Variants in RRM2 observed in about 807,000 individuals in gnomAD.
The protein encoded by RRM2 is ribonucleotide reductase regulatory subunit M2, also known as ribonucleoside-diphosphate reductase subunit M2.
A neutral mutation model predicts 45.9 loss-of-function variants in RRM2; 6 were observed. The ratio of observed to expected loss-of-function variants is 0.13; its 90% CI spans 0.07 to 0.26. The LOEUF (loss-of-function observed/expected upper bound fraction) is 0.26, where lower values mean the gene tolerates loss of function less well. Among genes scored for constraint, RRM2 ranks in the 10% least tolerant of loss-of-function variants. The pLI is 1.00. For synonymous variants in RRM2, 177 were observed against 173.0 expected (o/e 1.02, Z -0.18); for missense variants, 343 against 489.5 (o/e 0.70, Z 2.82).
chr2:10,193,776 GCCA>G (rs767899246), intron 3 of RRM2, among the ~76,000 whole-genome samples: 1 of 152,202 alleles, frequency 6.6e-6, no homozygotes, highest in Non-Finnish European at 1.5e-5. Context: ...AGCCGCAGCA[GCCA>G]CAGAGCAACC....
In RRM2 at chr2:10,206,201, G is replaced by A. The variant is rs568235775; in HGVS notation, n.483-4110G>A. ...GCGGAGCTTGCAGTGAGCTGAGATC[G>A]CACCACTGTACTCCAGCCTGGGCAA... On this transcript the variant is annotated intron_variant and non_coding_transcript_variant, in intron 3 of 3. Coordinates refer to the RRM2 transcript ENST00000381786. 5.6e-4 allele frequency among the ~76,000 whole-genome samples: 82 copies of A among 146,636 alleles called. 1 individual carries two copies. Among genetic ancestry groups the A allele is most frequent in the Admixed American group, 1.3e-3 (19 of 14,382 alleles).
intron 3 of RRM2, among the ~76,000 whole-genome samples, chr2:10,168,975 T>C (rs536951629): frequency 6.6e-6 from 1 of 151,822 alleles, no homozygotes; most frequent in Non-Finnish European, 1.5e-5. Context: ...TATTATAATA[T>C]TTATTTATTT....
At position 10,195,763 on chromosome 2, in the gene RRM2, C is replaced by T. The variant is rs1033889509; in HGVS notation, n.483-14548C>T. 2.0e-5 allele frequency among the ~76,000 whole-genome samples: 3 copies of T among 152,138 alleles called. No homozygotes were observed. Among genetic ancestry groups the T allele is most frequent in the Non-Finnish European group, 4.4e-5 (3 of 68,032 alleles). ...TGTCGTGACTGGCTGAAGGCTGTCA[C>T]GGTGGTCCTGTGTAGGACTGGTTGC... On this transcript the variant is annotated intron_variant and non_coding_transcript_variant, in intron 3 of 3. Transcript: ENST00000381786. The surrounding 1 kb of genome is among the most constrained non-coding windows in gnomAD (Gnocchi z 4.9).
At chr2:10,160,482 C>T (rs1325714226) in intron 3 of RRM2, among the ~76,000 whole-genome samples, 1 of 152,224 alleles carries the variant, frequency 6.6e-6, no homozygotes, top group Non-Finnish European at 1.5e-5. Flanking sequence ...CTGTGTGGAA[C>T]CCAGCAAGGG....
At chr2:10,144,651 C>T (rs898342063) in intron 3 of RRM2, among the ~76,000 whole-genome samples, 1 of 152,158 alleles carries the variant, frequency 6.6e-6, no homozygotes, top group Non-Finnish European at 1.5e-5. Context: ...AATTGTAGGG[C>T]TTCTACTTCC....
At chr2:10,210,465 A>T (rs969337407) in exon 4 of RRM2, 2 of 1,367,756 alleles carry the variant, frequency 1.5e-6, no homozygotes, top group Admixed American at 1.9e-5. Context: ...GAATGAAGTT[A>T]TCTGGGTGGG....
intron 3 of RRM2, among the ~76,000 whole-genome samples, chr2:10,157,817 A>G (rs1453498072): frequency 2.0e-5 from 3 of 152,192 alleles, no homozygotes; most frequent in Non-Finnish European, 2.9e-5. Context: ...TGCTCTGCAA[A>G]CCAACCCTGC....
chr2:10,178,263 C>T (rs1412838636), intron 3 of RRM2, among the ~76,000 whole-genome samples: 1 of 148,592 alleles, frequency 6.7e-6, no homozygotes, highest in Non-Finnish European at 1.5e-5. Flanking sequence ...CACTGTGTTG[C>T]CCAGACTGGA....
exon 2 of RRM2, chr2:10,141,881 A>G (rs1422747312): frequency 6.4e-7 from 1 of 1,569,138 alleles, no homozygotes; most frequent in Non-Finnish European, 8.6e-7. Context: ...AGTGCAAAGC[A>G]GATGGAGTCC....
chr2:10,161,271 C>T (rs1558392517), intron 3 of RRM2, among the ~76,000 whole-genome samples: 1 of 152,206 alleles, frequency 6.6e-6, no homozygotes, highest in Non-Finnish European at 1.5e-5. Context: ...GTTGCCCAGG[C>T]TGGTCTTGAA....
intron 3 of RRM2, among the ~76,000 whole-genome samples, chr2:10,150,156 A>C (rs1032584218): frequency 6.6e-6 from 1 of 152,150 alleles, no homozygotes; most frequent in Non-Finnish European, 1.5e-5. Context: ...TCTACTAAAA[A>C]CACAAAATTA....
intron 3 of RRM2, among the ~76,000 whole-genome samples, chr2:10,160,353 AG>A (rs1663530059): frequency 6.6e-6 from 1 of 152,204 alleles, no homozygotes; most frequent in South Asian, 2.1e-4. Flanking sequence ...GGTTAATCCC[AG>A]GGTCCCTGCT....
At chr2:10,192,457 A>C (rs1664328760) in intron 3 of RRM2, among the ~76,000 whole-genome samples, 1 of 152,198 alleles carries the variant, frequency 6.6e-6, no homozygotes, top group African/African-American at 2.4e-5. Context: ...CACTTTGGGA[A>C]GCCTTCCCAC....
At chr2:10,194,618 C>T (rs1295611169) in intron 3 of RRM2, among the ~76,000 whole-genome samples, 2 of 152,238 alleles carry the variant, frequency 1.3e-5, no homozygotes, top group Non-Finnish European at 2.9e-5. Flanking sequence ...GGTGGCTTGG[C>T]CGGCCTGGTG....
intron 3 of RRM2, among the ~76,000 whole-genome samples, chr2:10,180,047 A>G (rs1664012402): frequency 6.6e-6 from 1 of 152,178 alleles, no homozygotes; most frequent in South Asian, 2.1e-4. Flanking sequence ...TGGAGCCCTC[A>G]TGCTGAGCAG....
intron 3 of RRM2, among the ~76,000 whole-genome samples, chr2:10,151,650 G>A (rs970294785): frequency 1.3e-5 from 2 of 152,234 alleles, no homozygotes; most frequent in African/African-American, 4.8e-5. Context: ...CATATAGTAG[G>A]TTTCACTTTT....
chr2:10,126,610 C>A (rs543355271), intron 5 of RRM2: 141 of 454,332 alleles, frequency 3.1e-4, no homozygotes, highest in Non-Finnish European at 5.1e-4. Context: ...CTATGTTTTA[C>A]TGTCTGTAGA....
chr2:10,187,851 G>C (rs575266789), intron 3 of RRM2, among the ~76,000 whole-genome samples: 1 of 152,136 alleles, frequency 6.6e-6, no homozygotes, highest in African/African-American at 2.4e-5. Context: ...TGCAGCATTC[G>C]GCCATTTGCC....
chr2:10,156,795 C>T (rs1237381451), intron 3 of RRM2, among the ~76,000 whole-genome samples: 1 of 152,190 alleles, frequency 6.6e-6, no homozygotes, highest in African/African-American at 2.4e-5. Flanking sequence ...CACGCCACCA[C>T]ACCCGGCTAC....
Sources: allele counts gnomAD v4.1 joint callset (sites outside exome capture counted in the v4.1 genomes callset), GRCh38; gene constraint gnomAD v4.1.1; non-coding constraint Gnocchi (gnomAD v3.1); transcripts MANE v1.5; gene names NCBI Gene and HGNC (gene_info 2026-07-23, HGNC 2026-07-21).